Variants in CACNA1E observed in about 807,000 individuals in gnomAD.
CACNA1E encodes voltage-dependent R-type calcium channel subunit alpha-1E.
In CACNA1E, 40 loss-of-function variants were observed where a neutral mutation model predicts 259.2. That is an observed-to-expected ratio of 0.15 (90% CI 0.12 to 0.20). CACNA1E has a LOEUF of 0.20. Among genes scored for constraint, CACNA1E ranks in the 10% least tolerant of loss-of-function variants. The pLI is 1.00. For missense variants in CACNA1E, 1,874 were observed against 3,040.1 expected (o/e 0.62, Z 9.02); for synonymous variants, 1,104 against 1,138.5 (o/e 0.97, Z 0.61).
intron 27 of CACNA1E, among the ~76,000 whole-genome samples, chr1:181,753,905 C>T (rs931502577): frequency 3.9e-5 from 6 of 152,172 alleles, no homozygotes; most frequent in Admixed American, 6.5e-5. Context: ...CCTGGCCCAC[C>T]GCGTGGGTTC....
chr1:181,533,394 A>G (rs2102741398), intron 3 of CACNA1E, among the ~76,000 whole-genome samples: 1 of 149,802 alleles, frequency 6.7e-6, no homozygotes, highest in Middle Eastern at 3.4e-3. Flanking sequence ...TAACAGTACA[A>G]CTTTTGCCCA....
At chr1:181,359,917 C>T (rs528305465) in intron 1 of CACNA1E, among the ~76,000 whole-genome samples, 13 of 152,156 alleles carry the variant, frequency 8.5e-5, no homozygotes, top group Non-Finnish European at 1.5e-4. Context: ...GGGGGAGCAT[C>T]GGTCATGAAT....
intron 1 of CACNA1E, among the ~76,000 whole-genome samples, chr1:181,378,964 A>G (rs1267885172): frequency 6.6e-6 from 1 of 152,222 alleles, no homozygotes; most frequent in Non-Finnish European, 1.5e-5. Context: ...TCTACCATCT[A>G]GTTAAAAATT....
chr1:181,750,994 G>C (rs754007965), intron 26 of CACNA1E, among the ~76,000 whole-genome samples: 1 of 151,954 alleles, frequency 6.6e-6, no homozygotes, highest in Non-Finnish European at 1.5e-5. Context: ...GGGGTAGGGG[G>C]GTAGGTATCG....
intron 1 of CACNA1E, among the ~76,000 whole-genome samples, chr1:181,487,261 A>G (rs1265383155): frequency 6.6e-6 from 1 of 152,144 alleles, no homozygotes; most frequent in East Asian, 1.9e-4. Context: ...ACTGGTCTTT[A>G]ATCATGTTTG....
At chr1:181,647,601 T>C (rs893950408) in intron 6 of CACNA1E, among the ~76,000 whole-genome samples, 2 of 152,090 alleles carry the variant, frequency 1.3e-5, no homozygotes, top group Non-Finnish European at 2.9e-5. Flanking sequence ...CTGCCTTGAG[T>C]TGTCGGTTGC....
At chr1:181,429,865 T>A (rs1659589648) in intron 2 of CACNA1E, among the ~76,000 whole-genome samples, 1 of 152,200 alleles carries the variant, frequency 6.6e-6, no homozygotes, top group Non-Finnish European at 1.5e-5. Flanking sequence ...TATATAGATG[T>A]ATATATTTTA....
intron 38 of CACNA1E, chr1:181,779,445 G>A (rs1184605279): frequency 4.5e-6 from 2 of 446,786 alleles, no homozygotes; most frequent in East Asian, 7.0e-5. Flanking sequence ...CTTTACAGCG[G>A]CAGGATCCCG....
intron 1 of CACNA1E, among the ~76,000 whole-genome samples, chr1:181,402,235 A>G (rs535363819): frequency 1.3e-5 from 2 of 152,284 alleles, no homozygotes; most frequent in South Asian, 4.2e-4. Context: ...TGCCATAATC[A>G]TGGGGGATTT....
At chr1:181,759,405 G>GTGTA (rs1409446295) in intron 32 of CACNA1E, among the ~76,000 whole-genome samples, 12 of 151,618 alleles carry the variant, frequency 7.9e-5, no homozygotes, top group Non-Finnish European at 1.5e-4. Context: ...CTGTGTGTGT[G>GTGTA]TGTGTGTGTG....
intron 1 of CACNA1E, among the ~76,000 whole-genome samples, chr1:181,320,491 G>A (rs1650257095): frequency 6.6e-6 from 1 of 152,176 alleles, no homozygotes; most frequent in Non-Finnish European, 1.5e-5. Context: ...ATACCAAGCA[G>A]CTTCCAGGCA....
intron 21 of CACNA1E, among the ~76,000 whole-genome samples, chr1:181,734,611 C>T (rs1197344542): frequency 4.2e-5 from 6 of 144,512 alleles, no homozygotes; most frequent in African/African-American, 1.3e-4. Flanking sequence ...GCCCTGACCC[C>T]ACACCCCATC....
At chr1:181,558,067 G>A (rs751988641) in intron 3 of CACNA1E, among the ~76,000 whole-genome samples, 1 of 152,194 alleles carries the variant, frequency 6.6e-6, no homozygotes, top group African/African-American at 2.4e-5. Context: ...GAGAAGGAGT[G>A]AGGACATAGG....
intron 1 of CACNA1E, among the ~76,000 whole-genome samples, chr1:181,385,108 G>A (rs1655745245): frequency 6.6e-6 from 1 of 152,094 alleles, no homozygotes; most frequent in African/African-American, 2.4e-5. Flanking sequence ...CTGGGGACAG[G>A]GTGAGTCTCT....
chr1:181,423,914 GGGGCA>G (rs1351525118), intron 2 of CACNA1E, among the ~76,000 whole-genome samples: 5 of 152,078 alleles, frequency 3.3e-5, no homozygotes, highest in African/African-American at 1.2e-4. Context: ...GTTTTTAGAG[GGGGCA>G]GGAAGTCTCC....
At chr1:181,385,141 C>G (rs1655748341) in intron 1 of CACNA1E, among the ~76,000 whole-genome samples, 1 of 152,158 alleles carries the variant, frequency 6.6e-6, no homozygotes, top group Admixed American at 6.5e-5. Flanking sequence ...GAGAAAGACA[C>G]TTAATCCTGT....
At chr1:181,574,895 T>C (rs533269049) in intron 3 of CACNA1E, among the ~76,000 whole-genome samples, 123 of 152,070 alleles carry the variant, frequency 8.1e-4, no homozygotes, top group African/African-American at 2.8e-3. Flanking sequence ...TTTGGTGGCA[T>C]ATGCCTGTAA....
intron 32 of CACNA1E, 53 bp from the exon 33 acceptor site, chr1:181,762,521 C>CA: frequency 2.1e-6 from 2 of 944,514 alleles, no homozygotes; most frequent in Non-Finnish European, 1.6e-6. Flanking sequence ...GTCTTTTCTC[C>CA]TTTTTTTTTT....
chr1:181,415,127 T>C (rs1180146404), intron 2 of CACNA1E, among the ~76,000 whole-genome samples: 2 of 152,212 alleles, frequency 1.3e-5, no homozygotes, highest in South Asian at 2.1e-4. Context: ...CACCTCCATC[T>C]TATCTTTCTA....
Sources: allele counts gnomAD v4.1 joint callset (sites outside exome capture counted in the v4.1 genomes callset), GRCh38; gene constraint gnomAD v4.1.1; transcripts MANE v1.5; gene names NCBI Gene and HGNC (gene_info 2026-07-23, HGNC 2026-07-21).